The following PACS1 variants were observed in gnomAD, a reference collection of about 807,000 sequenced individuals.
The protein encoded by PACS1 is phosphofurin acidic cluster sorting protein 1.
In PACS1, 24 loss-of-function variants were observed where a neutral mutation model predicts 115.0. The ratio of observed to expected loss-of-function variants is 0.21; its 90% CI spans 0.15 to 0.29. The LOEUF (loss-of-function observed/expected upper bound fraction) is 0.29. Ranked by LOEUF, PACS1 falls within the 10% of genes least tolerant of loss-of-function variation. The pLI is 1.00. For missense variants in PACS1, 838 were observed against 1,251.2 expected, an observed-to-expected ratio of 0.67 and a Z score of 4.98; for synonymous variants, 453 against 504.5, an observed-to-expected ratio of 0.90 and a Z score of 1.37.
chr11:66,208,937 T>G (rs1294433597), intron 2 of PACS1, among the ~76,000 whole-genome samples: 7 of 151,866 alleles, frequency 4.6e-5, no homozygotes, highest in Non-Finnish European at 1.0e-4. Context: ...TGTTGTGGGG[T>G]TTTTTTTATT....
At chr11:66,134,254 C>CTTTTTTTTTTTGTTTTTTTTTTTTT (rs1858780481) in intron 1 of PACS1, among the ~76,000 whole-genome samples, 1 of 75,064 alleles carries the variant, frequency 1.3e-5, no homozygotes, top group Non-Finnish European at 2.3e-5. Flanking sequence ...TTTTCTTTTT[C>CTTTTTTTTTTTGTTTTTTTTTTTTT]TTTTTTTTTT....
intron 1 of PACS1, among the ~76,000 whole-genome samples, chr11:66,177,635 T>C (rs74413896): frequency 0.024 from 3,722 of 152,200 alleles, 176 homozygotes; most frequent in African/African-American, 0.085. Flanking sequence ...TTTTTGAGAC[T>C]GGTCTTGCTC....
chr11:66,215,225 C>T (rs1178223825), intron 4 of PACS1, among the ~76,000 whole-genome samples: 1 of 152,104 alleles, frequency 6.6e-6, no homozygotes, highest in Admixed American at 6.5e-5. Context: ...AGCCACCACA[C>T]CTGGCCCGAG....
chr11:66,230,694 C>T (rs1258990251), intron 12 of PACS1, 31 bp downstream of exon 12: 6 of 1,610,022 alleles, frequency 3.7e-6, no homozygotes, highest in Non-Finnish European at 5.1e-6. Context: ...GCAGGGGGTA[C>T]AGCCTGCAGC....
chr11:66,238,241 A>C (rs1399772722), intron 19 of PACS1: 10 of 985,134 alleles, frequency 1.0e-5, no homozygotes, highest in Non-Finnish European at 9.6e-6. Context: ...ACACCTTAGC[A>C]CGTCCACTTG....
At chr11:66,144,877 C>T (rs188079196) in intron 1 of PACS1, among the ~76,000 whole-genome samples, 7 of 152,272 alleles carry the variant, frequency 4.6e-5, no homozygotes, top group Admixed American at 6.5e-5. Flanking sequence ...TCAGGTGATC[C>T]ACCCACTTTG....
intron 1 of PACS1, among the ~76,000 whole-genome samples, chr11:66,163,861 A>T (rs868858965): frequency 1.2e-4 from 19 of 152,328 alleles, no homozygotes; most frequent in Admixed American, 2.6e-4. Context: ...AGCTGATTAT[A>T]CAATGCTTTA....
intron 1 of PACS1, among the ~76,000 whole-genome samples, chr11:66,104,701 GTGA>G (rs1327587848): frequency 1.3e-5 from 2 of 152,236 alleles, no homozygotes; most frequent in Admixed American, 1.3e-4. Flanking sequence ...CCATGTCTTT[GTGA>G]TATACAGGGG....
chr11:66,129,455 A>ATATTAT (rs71455707), intron 1 of PACS1, among the ~76,000 whole-genome samples: 21,100 of 140,212 alleles, frequency 0.15, 2,038 homozygotes, highest in Admixed American at 0.26. Context: ...GGTTTAAAAA[A>ATATTAT]TATTATTATT....
chr11:66,117,391 G>GC, intron 1 of PACS1, among the ~76,000 whole-genome samples: 1 of 149,856 alleles, frequency 6.7e-6, no homozygotes, highest in East Asian at 2.0e-4. Context: ...AACCCAGGAG[G>GC]AGAGGTTGCA....
At position 66,220,801 on chromosome 11, in the gene PACS1, C is replaced by G. The variant is rs199906288; in HGVS notation, c.1199+10C>G. On this transcript the variant is annotated intron_variant, in intron 9 of 23. Coordinates refer to ENST00000320580, the MANE Select transcript of PACS1 (RefSeq NM_018026.4). Reference sequence around the variant, plus strand: ...CAAAGCCCAAGCTCAAGTGAGCCCCCCTCTCTGTAGCTGGCCTCCAGACTC... The same window carrying G: ...CAAAGCCCAAGCTCAAGTGAGCCCCGCTCTCTGTAGCTGGCCTCCAGACTC... The G allele has an allele frequency of 1.6e-4, 259 of 1,612,748 alleles. No homozygotes were observed. Among genetic ancestry groups the G allele is most frequent in the South Asian group, 4.3e-4 (39 of 90,844 alleles).
At chr11:66,162,854 G>A (rs1859523769) in intron 1 of PACS1, among the ~76,000 whole-genome samples, 1 of 152,126 alleles carries the variant, frequency 6.6e-6, no homozygotes, top group Admixed American at 6.5e-5. Flanking sequence ...GTAAATGTGG[G>A]GTTGGAGAAG....
intron 1 of PACS1, among the ~76,000 whole-genome samples, chr11:66,172,707 A>C (rs1294906179): frequency 6.6e-6 from 1 of 152,190 alleles, no homozygotes; most frequent in African/African-American, 2.4e-5. Flanking sequence ...TTTTGCAGCC[A>C]GGTGCGGTGG....
chr11:66,138,539 A>C (rs1256782095), intron 1 of PACS1, among the ~76,000 whole-genome samples: 1 of 152,048 alleles, frequency 6.6e-6, no homozygotes, highest in East Asian at 1.9e-4. Flanking sequence ...ACCTGAGAGC[A>C]AGCACTTCTT....
intron 1 of PACS1, among the ~76,000 whole-genome samples, chr11:66,092,353 A>G (rs1590737968): frequency 1.3e-5 from 2 of 152,032 alleles, no homozygotes; most frequent in East Asian, 1.9e-4. Context: ...TCCTTCGCCC[A>G]CTTTTTGATG....
intron 1 of PACS1, among the ~76,000 whole-genome samples, chr11:66,125,106 A>C (rs1394577704): frequency 1.3e-5 from 2 of 152,192 alleles, no homozygotes; most frequent in African/African-American, 4.8e-5. Flanking sequence ...GTGAACAATA[A>C]ATTCTTTTTA....
chr11:66,214,032 C>CA (rs71036278), intron 4 of PACS1, among the ~76,000 whole-genome samples: 14,654 of 42,404 alleles, frequency 0.35, 3,205 homozygotes, highest in Non-Finnish European at 0.39. Flanking sequence ...GACTCCATCT[C>CA]AAAAAAAAAA....
intron 1 of PACS1, among the ~76,000 whole-genome samples, chr11:66,135,292 T>C (rs1234039116): frequency 6.6e-6 from 1 of 152,136 alleles, no homozygotes; most frequent in East Asian, 1.9e-4. Context: ...GAGTACTTAG[T>C]GGTGTGTCCA....
intron 11 of PACS1, among the ~76,000 whole-genome samples, chr11:66,229,945 G>A (rs754591086): frequency 2.8e-5 from 4 of 144,768 alleles, no homozygotes; most frequent in African/African-American, 5.2e-5. Context: ...CAATAAGAGC[G>A]AAAGTCCATC....
Sources: allele counts gnomAD v4.1 joint callset (sites outside exome capture counted in the v4.1 genomes callset), GRCh38; gene constraint gnomAD v4.1.1; transcripts MANE v1.5; gene names NCBI Gene and HGNC (gene_info 2026-07-23, HGNC 2026-07-21).